Variants in GK5 observed in about 807,000 individuals in gnomAD.
GK5 encodes the protein glycerol kinase 5.
Under a neutral mutation model 77.3 loss-of-function variants are expected in GK5, and 39 were observed. The observed-to-expected ratio is 0.50, with a 90% CI of 0.39 to 0.66. GK5 has a LOEUF of 0.66. Among genes scored for constraint, GK5 ranks in the 30% least tolerant of loss-of-function variants. The pLI, the probability that GK5 is intolerant of heterozygous loss-of-function variation, is 0.00. For missense variants in GK5, 487 were observed against 633.8 expected (o/e 0.77, Z 2.49); for synonymous variants, 211 against 208.0 (o/e 1.01, Z -0.13).
At chr3:142,205,659 A>C (rs1005410316) in intron 3 of GK5, among the ~76,000 whole-genome samples, 5 of 152,076 alleles carry the variant, frequency 3.3e-5, no homozygotes, top group Admixed American at 3.3e-4. Flanking sequence ...ACCACTCCTA[A>C]CTTTGGCTAC....
intron 3 of GK5, among the ~76,000 whole-genome samples, chr3:142,205,475 C>T (rs2064090957): frequency 1.3e-5 from 2 of 152,200 alleles, no homozygotes; most frequent in African/African-American, 4.8e-5. Flanking sequence ...GCATTCCACA[C>T]CCATGGTCAT....
At chr3:142,182,513 A>G (rs917349116) in intron 10 of GK5, among the ~76,000 whole-genome samples, 1 of 151,804 alleles carries the variant, frequency 6.6e-6, no homozygotes, top group African/African-American at 2.4e-5. Flanking sequence ...CCCCCAGCTA[A>G]TTTTTTTGTA....
In GK5 at chr3:142,165,786, T is replaced by C; in HGVS notation, c.1442-16A>G. On this transcript the variant is annotated splice_polypyrimidine_tract_variant and intron_variant, in intron 15 of 15. Coordinates refer to ENST00000392993, the MANE Select transcript of GK5 (RefSeq NM_001039547.3). ...GTCCAAAACCCTATAGATAAAAAAA[T>C]TATCCTCAAATTTTAAGGCAAATCA... 6.5e-7 allele frequency: 1 copy of C among 1,547,568 alleles called. No individual in the cohort carries two copies.
intron 5 of GK5, 67 bp from the exon 6 acceptor site, chr3:142,187,846 G>A (rs1560219859): frequency 1.3e-5 from 14 of 1,090,684 alleles, no homozygotes; most frequent in Non-Finnish European, 1.9e-5. Context: ...ATTAAATGCA[G>A]ATCAGTGATA....
At chr3:142,196,682 G>A (rs1009731084) in intron 5 of GK5, among the ~76,000 whole-genome samples, 5 of 152,002 alleles carry the variant, frequency 3.3e-5, no homozygotes, top group East Asian at 1.9e-4. Context: ...AACAGACTTC[G>A]TATAATTTCA....
chr3:142,210,087 A>G (rs2064171494), intron 3 of GK5, among the ~76,000 whole-genome samples: 1 of 152,232 alleles, frequency 6.6e-6, no homozygotes, highest in Non-Finnish European at 1.5e-5. Context: ...AAGAACATGA[A>G]GAAAGCTCAA....
intron 12 of GK5, among the ~76,000 whole-genome samples, chr3:142,175,666 C>A (rs1043481908): frequency 1.3e-5 from 2 of 152,180 alleles, no homozygotes; most frequent in South Asian, 4.2e-4. Flanking sequence ...ACATGACCTA[C>A]GGTCAACCTA....
chr3:142,211,338 T>C (rs2064186108), intron 3 of GK5, among the ~76,000 whole-genome samples: 13 of 152,210 alleles, frequency 8.5e-5, no homozygotes, highest in Admixed American at 8.5e-4. Context: ...ACCTTATCTG[T>C]ACAGGTAAGT....
At chr3:142,219,719 G>A (rs1308389510) in intron 1 of GK5, among the ~76,000 whole-genome samples, 2 of 152,192 alleles carry the variant, frequency 1.3e-5, no homozygotes, top group Non-Finnish European at 2.9e-5. Context: ...GCAGTGGCCT[G>A]TAATCCAGTA....
At position 142,225,560 on chromosome 3, in the gene GK5, C is replaced by G; in HGVS notation, c.-105G>C. 7.0e-7 allele frequency: 1 copy of G among 1,419,938 alleles called. No homozygotes were observed. The highest frequency in any genetic ancestry group is 9.4e-7 in the Non-Finnish European group (1 of 1,065,506). The allele number at this position is 1,419,938 out of a possible 1,614,324, so 88.0% of individuals were successfully genotyped here. A position where few individuals can be genotyped will look rare whatever the true frequency, so the allele number is the denominator to read the frequency against. Reference sequence around the variant, plus strand: ...CGGCCCAACCCGGGCCCCAACCCGGCTCAGCCGGAGAGCCTAGAGAGGCCT... The same window carrying G: ...CGGCCCAACCCGGGCCCCAACCCGGGTCAGCCGGAGAGCCTAGAGAGGCCT... On this transcript the variant is annotated 5_prime_UTR_variant, in exon 1 of 16. Transcript: ENST00000392993.
intron 15 of GK5, 26 bp downstream of exon 15, chr3:142,170,299 C>G (rs748836325): frequency 1.2e-6 from 2 of 1,612,112 alleles, no homozygotes; most frequent in South Asian, 2.2e-5. Flanking sequence ...CAAGAAAACT[C>G]TCATTCTTAT....
intron 6 of GK5, 75 bp downstream of exon 6, chr3:142,187,629 C>G: frequency 4.1e-6 from 4 of 973,866 alleles, no homozygotes; most frequent in Non-Finnish European, 6.2e-6. Flanking sequence ...AAAGTAACTT[C>G]TACTTTTTTT....
At chr3:142,179,096 A>C (rs1369269582) in intron 11 of GK5, among the ~76,000 whole-genome samples, 1 of 152,208 alleles carries the variant, frequency 6.6e-6, no homozygotes, top group Admixed American at 6.5e-5. Context: ...TGAACAGCAA[A>C]GATCAGAAGA....
chr3:142,172,831 T>C (rs1040349612), intron 12 of GK5, among the ~76,000 whole-genome samples: 1 of 152,226 alleles, frequency 6.6e-6, no homozygotes, highest in African/African-American at 2.4e-5. Flanking sequence ...CTTTCTACTT[T>C]TTACTATGTA....
intron 15 of GK5, among the ~76,000 whole-genome samples, chr3:142,167,153 C>A (rs2108778654): frequency 6.6e-6 from 1 of 152,210 alleles, no homozygotes; most frequent in Admixed American, 6.5e-5. Flanking sequence ...GCGGGCAGAT[C>A]ATCTGAGGTC....
chr3:142,160,275 C>G lies in GK5; in HGVS notation c.*5347G>C, dbSNP rs2063416268. 1.3e-5 allele frequency: 2 copies of G among 152,258 alleles called. No homozygotes were observed. Among genetic ancestry groups the G allele is most frequent in the African/African-American group, 4.8e-5 (2 of 41,444 alleles). 9.4% of individuals were successfully genotyped at this position (152,258 alleles called of 1,614,324 possible). ...AAATTGCTGGGATTACAGGTGTGAA[C>G]CACCACGCTTATCCTGGGGCTTTTA... On this transcript the variant is annotated 3_prime_UTR_variant, in exon 16 of 16. Coordinates refer to ENST00000392993, the MANE Select transcript of GK5 (RefSeq NM_001039547.3).
In GK5 at chr3:142,185,920, C is replaced by G; in HGVS notation, c.816+9G>C. On this transcript the variant is annotated intron_variant, in intron 9 of 15. Transcript: ENST00000392993. ...TATACAAAGGGAATCCCTCAAGTTT[C>G]CTACTTACCAAGGCAACTATTGGTA... The G allele has an allele frequency of 6.3e-7, 1 of 1,598,866 alleles. No individual in the cohort carries two copies.
At chr3:142,185,624 C>G in intron 9 of GK5, 1 of 1,151,712 alleles carries the variant, frequency 8.7e-7, no homozygotes. Flanking sequence ...CAAATGTAAA[C>G]TAAATACCAC....
Position 142,205,041 on chromosome 3 carries a change from G to T in GK5, c.318-253C>A, listed in dbSNP as rs548467623. On this transcript the variant is annotated intron_variant, in intron 3 of 15. Coordinates refer to ENST00000392993, the MANE Select transcript of GK5 (RefSeq NM_001039547.3). ...CTAAGGAAAAGGCCTTTGAAGACCTGCTCTACACACTTTAAAAGCAGATTT... is the reference window on the plus strand; with the variant it reads ...CTAAGGAAAAGGCCTTTGAAGACCTTCTCTACACACTTTAAAAGCAGATTT... Among the ~76,000 whole-genome samples the T allele has an allele frequency of 2.0e-5, 3 of 152,264 alleles. No homozygotes were observed. The South Asian group carries it at 6.2e-4, about 32-fold the overall frequency.
Sources: gnomAD v4.1 joint callset for allele counts (sites outside exome capture counted in the v4.1 genomes callset) on GRCh38, gnomAD v4.1.1 for gene constraint, MANE v1.5 for transcripts, NCBI Gene and HGNC (gene_info 2026-07-23, HGNC 2026-07-21) for gene names.